The following HMCN1 variants were observed in gnomAD, a reference collection of about 807,000 sequenced individuals.
HMCN1 encodes hemicentin-1.
In HMCN1, 321 loss-of-function variants were observed where a neutral mutation model predicts 625.9. The ratio of observed to expected loss-of-function variants is 0.51; its 90% CI spans 0.47 to 0.56. The LOEUF (loss-of-function observed/expected upper bound fraction) is 0.56, where lower values mean the gene tolerates loss of function less well. Ranked by LOEUF, HMCN1 falls within the 20% of genes least tolerant of loss-of-function variation. HMCN1 has a pLI of 0.00. For missense variants in HMCN1, 6,588 were observed against 6,887.3 expected, an observed-to-expected ratio of 0.96 and a Z score of 1.54; for synonymous variants, 2,425 against 2,417.6, an observed-to-expected ratio of 1.00 and a Z score of -0.09.
Position 186,165,171 on chromosome 1 carries a change from C to T in HMCN1, c.15317C>T (p.Ala5106Val). ...TTAGACTCAGTTGGACCTTTTTGTG[C>T]TGGTAAGTACAGAGATAAATAAAGG... ...FTLDSVGPFC[A>V]DEDECAAGNP... is the part of the protein sequence containing the mutation. The change falls in exon 98 of 107, where the codon GCT becomes GTT. Residue 5106 changes from alanine (A) to valine (V), a missense_variant and splice_region_variant. By Grantham distance (64) the Ala-to-Val change is moderately conservative. Transcript: ENST00000271588. The T allele has an allele frequency of 6.2e-7, 1 of 1,612,684 alleles. No homozygotes were observed. The highest frequency in any genetic ancestry group is 8.5e-7 in the Non-Finnish European group (1 of 1,178,792).
At chr1:185,866,142 G>A (rs1663176015) in intron 4 of HMCN1, among the ~76,000 whole-genome samples, 1 of 152,006 alleles carries the variant, frequency 6.6e-6, no homozygotes, top group Admixed American at 6.6e-5. Flanking sequence ...TAGTTGTTCA[G>A]TAAGGTCAAT....
chr1:186,172,527 C>T (rs1652297075), intron 102 of HMCN1, among the ~76,000 whole-genome samples: 1 of 151,968 alleles, frequency 6.6e-6, no homozygotes, highest in Non-Finnish European at 1.5e-5. Context: ...GATGTATATT[C>T]CTTAAATATC....
rs1661857338 is a variant in HMCN1 at position 186,130,187 on chromosome 1, A to G, written c.13039+87A>G. The stretch of plus-strand genomic sequence containing the variant: ...CTTCTTTATTTTATGGTAATAAAAT[A>G]TAACTTCAAGTTTTTAATCCACTCA... On this transcript the variant is annotated intron_variant, in intron 84 of 106. Coordinates refer to ENST00000271588, the MANE Select transcript of HMCN1 (RefSeq NM_031935.3). The G allele has an allele frequency of 2.6e-6, 4 of 1,561,658 alleles. No individual in the cohort carries two copies. In the African/African-American group the frequency reaches 5.5e-5, roughly 21 times the overall value.
intron 72 of HMCN1, 118 bp downstream of exon 72, chr1:186,113,071 T>G (rs1047452313): frequency 1.7e-6 from 2 of 1,184,696 alleles, no homozygotes; most frequent in Non-Finnish European, 2.4e-6. Flanking sequence ...TTACTGCTTT[T>G]GAAAAAGGCA....
At chr1:186,007,330 T>C (rs754615200) in intron 30 of HMCN1, 48 bp downstream of exon 30, 27 of 1,566,924 alleles carry the variant, frequency 1.7e-5, no homozygotes, top group Non-Finnish European at 2.3e-5. Context: ...TCATTATAAG[T>C]TGACAAGCAG....
At chr1:185,978,746 A>C (rs1359819934) in intron 16 of HMCN1, among the ~76,000 whole-genome samples, 1 of 151,984 alleles carries the variant, frequency 6.6e-6, no homozygotes, top group African/African-American at 2.4e-5. Flanking sequence ...AGTGGCATGA[A>C]CTTGGCTCAC....
rs1254587491 is a variant in HMCN1 at position 185,830,166 on chromosome 1, G to A, written c.269-15860G>A. On this transcript the variant is annotated intron_variant, in intron 1 of 106. Transcript: ENST00000271588. ...ATATTAGACCTTTGTCAGATGGGTAGATTGCAAAAATTTTCTCTCATTCTG... is the reference window on the plus strand; with the variant it reads ...ATATTAGACCTTTGTCAGATGGGTAAATTGCAAAAATTTTCTCTCATTCTG... 2.6e-5 allele frequency among the ~76,000 whole-genome samples: 4 copies of A among 152,098 alleles called. No homozygotes were observed. In the South Asian group the frequency reaches 8.3e-4, roughly 32 times the overall value.
chr1:185,910,570 T>C (rs76751130), intron 5 of HMCN1, among the ~76,000 whole-genome samples: 11 of 146,838 alleles, frequency 7.5e-5, no homozygotes, highest in African/African-American at 2.4e-4. Flanking sequence ...TCTTTCTTCC[T>C]TCTTTTTTTT....
At chr1:185,820,837 G>A (rs1571401208) in intron 1 of HMCN1, among the ~76,000 whole-genome samples, 1 of 152,044 alleles carries the variant, frequency 6.6e-6, no homozygotes. Flanking sequence ...TAAACTACAA[G>A]TGAAATGGAC....
intron 4 of HMCN1, among the ~76,000 whole-genome samples, chr1:185,898,571 T>C (rs896114893): frequency 2.6e-5 from 4 of 152,136 alleles, no homozygotes; most frequent in African/African-American, 9.7e-5. Flanking sequence ...GGTCAGGGTC[T>C]CAATGAACCC....
At chr1:185,845,172 C>T (rs1383005349) in intron 1 of HMCN1, among the ~76,000 whole-genome samples, 1 of 152,190 alleles carries the variant, frequency 6.6e-6, no homozygotes, top group East Asian at 1.9e-4. Flanking sequence ...GGGACTATTT[C>T]CTGCACTGTT....
intron 14 of HMCN1, among the ~76,000 whole-genome samples, chr1:185,969,304 AT>A (rs1277673291): frequency 6.6e-6 from 1 of 152,124 alleles, no homozygotes; most frequent in East Asian, 1.9e-4. Context: ...GGTTTTAAAT[AT>A]TGGAATGCTG....
At chr1:185,894,453 A>C (rs1665361865) in intron 4 of HMCN1, among the ~76,000 whole-genome samples, 1 of 152,198 alleles carries the variant, frequency 6.6e-6, no homozygotes, top group Non-Finnish European at 1.5e-5. Context: ...ATTGTTCAGA[A>C]CATTCTAGGA....
chr1:186,033,891 T>G (rs755781048), intron 36 of HMCN1, among the ~76,000 whole-genome samples: 22 of 152,190 alleles, frequency 1.4e-4, no homozygotes, highest in Non-Finnish European at 2.1e-4. Context: ...TCATTTTTTT[T>G]TTGTTGCTGG....
chr1:186,177,937 T>A (rs1335252105), intron 103 of HMCN1, among the ~76,000 whole-genome samples: 2 of 152,164 alleles, frequency 1.3e-5, no homozygotes, highest in African/African-American at 4.8e-5. Context: ...AAGATGTCTC[T>A]GCCTAGTTGA....
intron 51 of HMCN1, 122 bp downstream of exon 51, chr1:186,069,898 T>A: frequency 1.4e-6 from 1 of 720,336 alleles, no homozygotes; most frequent in Non-Finnish European, 2.5e-6. Flanking sequence ...TTTGTGCAGC[T>A]TACTTTATTA....
At chr1:185,740,532 A>G (rs2102067225) in intron 1 of HMCN1, among the ~76,000 whole-genome samples, 1 of 152,302 alleles carries the variant, frequency 6.6e-6, no homozygotes, top group South Asian at 2.1e-4. Flanking sequence ...TTATGTGGAA[A>G]TTTGATACCC....
chr1:186,137,824 G>A lies in HMCN1; in HGVS notation c.13776G>A (p.Trp4592Ter). The A allele has an allele frequency of 6.2e-7, 1 of 1,614,114 alleles. No individual in the cohort carries two copies. The highest frequency in any genetic ancestry group is 8.5e-7 in the Non-Finnish European group (1 of 1,179,972). Residue 4592 changes from tryptophan to a stop codon, truncating the protein, a stop_gained, in exon 89 of 107, where the codon TGG becomes TGA. Transcript: ENST00000271588. LOFTEE classifies it high-confidence loss of function. ...TAGTGGATGGTAGCTGGTCGGAATG[G>A]AGTCTTTGGGAAGAATGCACAAGGA... ...PCPVDGSWSE[W>*]SLWEECTRSC...
intron 1 of HMCN1, among the ~76,000 whole-genome samples, chr1:185,829,364 T>C (rs1374788124): frequency 6.6e-6 from 1 of 151,992 alleles, no homozygotes; most frequent in African/African-American, 2.4e-5. Flanking sequence ...CCATGGTGGT[T>C]TGCTGCACCT....
Sources: gnomAD v4.1 joint callset for allele counts (sites outside exome capture counted in the v4.1 genomes callset) on GRCh38, gnomAD v4.1.1 for gene constraint, MANE v1.5 for transcripts, NCBI Gene and HGNC (gene_info 2026-07-23, HGNC 2026-07-21) for gene names.